MIPOL1: variants seen among roughly 807,000 people sequenced by gnomAD.
The protein encoded by MIPOL1 is mirror-image polydactyly gene 1 protein.
In MIPOL1, 57 loss-of-function variants were observed where a neutral mutation model predicts 60.9. That is an observed-to-expected ratio of 0.94 (90% CI 0.76 to 1.17). The LOEUF (loss-of-function observed/expected upper bound fraction) is 1.17. MIPOL1 is among the 50% of genes most tolerant of loss of function. MIPOL1 has a pLI of 0.00. For synonymous variants in MIPOL1, 179 were observed against 168.8 expected, an observed-to-expected ratio of 1.06 and a Z score of -0.47; for missense variants, 551 against 511.6, an observed-to-expected ratio of 1.08 and a Z score of -0.74.
intron 12 of MIPOL1, among the ~76,000 whole-genome samples, chr14:37,515,638 C>G (rs2095363628): frequency 6.6e-6 from 1 of 152,044 alleles, no homozygotes. Context: ...AAAAATCTTT[C>G]TTAAGTTAAA....
At chr14:37,405,976 G>A (rs978394172) in intron 10 of MIPOL1, among the ~76,000 whole-genome samples, 12 of 145,426 alleles carry the variant, frequency 8.3e-5, no homozygotes, top group African/African-American at 2.8e-4. Context: ...TATAGCCTAT[G>A]CACCTAAAAA....
At chr14:37,478,803 A>C in intron 11 of MIPOL1, among the ~76,000 whole-genome samples, 1 of 152,136 alleles carries the variant, frequency 6.6e-6, no homozygotes, top group East Asian at 1.9e-4. Flanking sequence ...AAAAAATAGG[A>C]AATTATAATA....
At chr14:37,356,051 G>T (rs992759554) in intron 9 of MIPOL1, among the ~76,000 whole-genome samples, 32 of 145,896 alleles carry the variant, frequency 2.2e-4, no homozygotes, top group African/African-American at 7.5e-4. Context: ...TCTACTTTTG[G>T]TCTTTGATGA....
At chr14:37,373,688 C>T (rs112375188) in intron 10 of MIPOL1, among the ~76,000 whole-genome samples, 1,875 of 152,242 alleles carry the variant, frequency 0.012, 13 homozygotes, top group Middle Eastern at 0.031. Context: ...TTTCCAACTT[C>T]GTCCATGTCC....
At chr14:37,442,795 G>C (rs1020929130) in intron 11 of MIPOL1, among the ~76,000 whole-genome samples, 1 of 151,986 alleles carries the variant, frequency 6.6e-6, no homozygotes, top group African/African-American at 2.4e-5. Flanking sequence ...CCAAGAACTT[G>C]CACTTTGAAA....
At chr14:37,473,854 C>T (rs901596726) in intron 11 of MIPOL1, among the ~76,000 whole-genome samples, 2 of 151,404 alleles carry the variant, frequency 1.3e-5, no homozygotes, top group Non-Finnish European at 3.0e-5. Flanking sequence ...AGAGTTTCAC[C>T]ATACTAAAAT....
rs568286399 is a variant in MIPOL1 at position 37,549,250 on chromosome 14, G to A, written c.*2279G>A. The A allele has an allele frequency of 8.6e-5, 13 of 151,978 alleles. No individual in the cohort carries two copies. In the South Asian group the frequency reaches 1.9e-3, roughly 22 times the overall value. The allele number at this position is 151,978 out of a possible 1,614,324, so 9.4% of individuals were successfully genotyped here. ...TCAACTCTAAATCCTATAGTAACAT[G>A]AGAATTCACTTCTTCTTGTAAAAAT... On this transcript the variant is annotated 3_prime_UTR_variant, in exon 13 of 13. Coordinates refer to ENST00000684589, the MANE Select transcript of MIPOL1 (RefSeq NM_001388067.1).
intron 12 of MIPOL1, among the ~76,000 whole-genome samples, chr14:37,515,933 G>A (rs2095365947): frequency 6.6e-6 from 1 of 152,164 alleles, no homozygotes; most frequent in Non-Finnish European, 1.5e-5. Context: ...GAGGAGAGCT[G>A]GTAAAGGAAA....
chr14:37,385,614 G>A (rs2093044252), intron 10 of MIPOL1: 1 of 151,860 alleles, frequency 6.6e-6, no homozygotes, highest in South Asian at 2.1e-4. Flanking sequence ...CAAGCATTTG[G>A]TTCTTCTATT....
intron 11 of MIPOL1, among the ~76,000 whole-genome samples, chr14:37,477,906 A>G (rs182909775): frequency 4.6e-5 from 7 of 152,320 alleles, no homozygotes; most frequent in Admixed American, 1.3e-4. Context: ...TTTGTTTTCT[A>G]TTGCTTTGCT....
intron 12 of MIPOL1, chr14:37,506,523 G>A (rs1201642691): frequency 6.6e-6 from 1 of 152,136 alleles, no homozygotes; most frequent in Non-Finnish European, 1.5e-5. Flanking sequence ...TTAATAAATG[G>A]TGCTGGGAAA....
chr14:37,309,719 G>T, intron 9 of MIPOL1, among the ~76,000 whole-genome samples: 1 of 148,808 alleles, frequency 6.7e-6, no homozygotes, highest in Non-Finnish European at 1.5e-5. Flanking sequence ...CAGAGTCTTG[G>T]TCTGTCACCC....
At chr14:37,345,740 T>A (rs7154479) in intron 9 of MIPOL1, among the ~76,000 whole-genome samples, 147,857 of 152,240 alleles carry the variant, frequency 0.97, 71,855 homozygotes, top group East Asian at 1. Context: ...TGTTGTTTTT[T>A]GTCTGTTTCA....
chr14:37,521,935 A>G (rs2095417112), intron 12 of MIPOL1, among the ~76,000 whole-genome samples: 1 of 148,982 alleles, frequency 6.7e-6, no homozygotes, highest in Non-Finnish European at 1.5e-5. Context: ...GGCTTCAAAA[A>G]TAAAACAGAG....
At chr14:37,241,406 A>G (rs1396906143) in intron 1 of MIPOL1, among the ~76,000 whole-genome samples, 3 of 152,072 alleles carry the variant, frequency 2.0e-5, no homozygotes, top group African/African-American at 7.2e-5. Flanking sequence ...TGGCCAGCCC[A>G]TGGCCTAGTC....
At chr14:37,252,484 G>A (rs1449034976) in intron 3 of MIPOL1, among the ~76,000 whole-genome samples, 1 of 151,766 alleles carries the variant, frequency 6.6e-6, no homozygotes, top group Non-Finnish European at 1.5e-5. Flanking sequence ...TTGTATCCAT[G>A]ATTCTTACGG....
chr14:37,353,540 C>T (rs987899096), intron 9 of MIPOL1, among the ~76,000 whole-genome samples: 2 of 152,098 alleles, frequency 1.3e-5, no homozygotes, highest in East Asian at 1.9e-4. Flanking sequence ...TGGTCCTGGA[C>T]TCTTTTTAGT....
At chr14:37,359,159 C>A (rs925410485) in intron 9 of MIPOL1, among the ~76,000 whole-genome samples, 2 of 152,062 alleles carry the variant, frequency 1.3e-5, no homozygotes, top group Non-Finnish European at 1.5e-5. Flanking sequence ...TGTGGTGTTA[C>A]TTCTGAGGCC....
At chr14:37,444,311 G>T (rs554107021) in intron 11 of MIPOL1, among the ~76,000 whole-genome samples, 1 of 152,226 alleles carries the variant, frequency 6.6e-6, no homozygotes, top group African/African-American at 2.4e-5. Context: ...ACAAAATTAT[G>T]AGAAATTTAA....
Sources: gnomAD v4.1 joint callset for allele counts (sites outside exome capture counted in the v4.1 genomes callset) on GRCh38, gnomAD v4.1.1 for gene constraint, MANE v1.5 for transcripts, NCBI Gene and HGNC (gene_info 2026-07-23, HGNC 2026-07-21) for gene names.